PPM1L: variants seen among roughly 807,000 people sequenced by gnomAD.
PPM1L encodes the protein protein phosphatase 1L.
A neutral mutation model predicts 31.4 loss-of-function variants in PPM1L; 13 were observed. The observed-to-expected ratio is 0.41, with a 90% CI of 0.27 to 0.66. PPM1L has a LOEUF of 0.66. Among genes scored for constraint, PPM1L ranks in the 30% least tolerant of loss-of-function variants. The pLI, the probability that PPM1L is intolerant of heterozygous loss-of-function variation, is 0.29. For missense variants in PPM1L, 326 were observed against 453.7 expected, an observed-to-expected ratio of 0.72 and a Z score of 2.56; for synonymous variants, 184 against 175.4, an observed-to-expected ratio of 1.05 and a Z score of -0.39.
chr3:160,843,767 C>A (rs907950387), intron 1 of PPM1L, among the ~76,000 whole-genome samples: 1 of 151,832 alleles, frequency 6.6e-6, no homozygotes, highest in Non-Finnish European at 1.5e-5. Context: ...TTGACCCAGT[C>A]ATCCCATTAC....
intron 1 of PPM1L, among the ~76,000 whole-genome samples, chr3:160,862,660 ACG>A (rs1553814103): frequency 7.1e-5 from 8 of 112,450 alleles, no homozygotes; most frequent in Admixed American, 1.1e-4. Flanking sequence ...TCCTAGGCAC[ACG>A]CACACACACA....
At chr3:160,775,331 A>G (rs928701600) in intron 1 of PPM1L, among the ~76,000 whole-genome samples, 2 of 152,234 alleles carry the variant, frequency 1.3e-5, no homozygotes, top group Non-Finnish European at 2.9e-5. Flanking sequence ...GGGTTACACC[A>G]TTAGCACTCA....
At chr3:160,772,897 T>C (rs1404732585) in intron 1 of PPM1L, among the ~76,000 whole-genome samples, 1 of 152,234 alleles carries the variant, frequency 6.6e-6, no homozygotes, top group South Asian at 2.1e-4. Context: ...CACTTATCAA[T>C]ATTTCATTCA....
intron 1 of PPM1L, among the ~76,000 whole-genome samples, chr3:160,806,765 G>GAAAC (rs939021511): frequency 8.7e-5 from 13 of 149,136 alleles, no homozygotes; most frequent in Non-Finnish European, 1.8e-4. Flanking sequence ...AAGAAAGAAA[G>GAAAC]AAAGAGAGAG....
At position 160,756,520 on chromosome 3, in the gene PPM1L, G is replaced by A; in HGVS notation, c.212G>A (p.Arg71Gln). The A allele has an allele frequency of 1.2e-6, 2 of 1,614,128 alleles. No individual in the cohort carries two copies. Among genetic ancestry groups the A allele is most frequent in the Non-Finnish European group, 1.7e-6 (2 of 1,180,016 alleles). The change falls in exon 1 of 4, where the codon CGA becomes CAA. Residue 71 changes from arginine to glutamine, a missense_variant. Physicochemically the swap from Arg to Gln is conservative, Grantham distance 43. Coordinates refer to ENST00000498165, the MANE Select transcript of PPM1L (RefSeq NM_139245.4). This position sits in a 1 kb window ranked among gnomAD's most constrained non-coding sequence, Gnocchi z 6.2. ...GKVAEIMQND[R>Q]LGGLDVLEAE... is the part of the protein sequence containing the mutation. ...GTAGCCGAGATCATGCAGAACGATC[G>A]ACTCGGGGGGCTTGATGTGCTCGAG...
chr3:160,989,931 C>T (rs1576765617), intron 2 of PPM1L, among the ~76,000 whole-genome samples: 2 of 152,128 alleles, frequency 1.3e-5, no homozygotes, highest in South Asian at 4.1e-4. Flanking sequence ...TCCCAAAGTT[C>T]CAGCATTACA....
chr3:160,848,537 G>T (rs1055975316), intron 1 of PPM1L, among the ~76,000 whole-genome samples: 4 of 152,170 alleles, frequency 2.6e-5, no homozygotes, highest in African/African-American at 7.2e-5. Context: ...TCTTCTGGCT[G>T]CTTCTTAAGT....
rs552114419 is a variant in PPM1L at position 160,852,956 on chromosome 3, C to T, written c.399+96249C>T. On this transcript the variant is annotated intron_variant, in intron 1 of 3. Transcript: ENST00000498165. ...AAAACAGTGGAAATTTGTTTTCTCA[C>T]AGCTCTGGAGGCCAAATTTCAAAAA... is the stretch of plus-strand genomic sequence containing the variant. Among the ~76,000 whole-genome samples the T allele has an allele frequency of 6.6e-5, 10 of 152,296 alleles. No homozygotes were observed. The East Asian group carries it at 1.9e-3, about 29-fold the overall frequency.
intron 1 of PPM1L, among the ~76,000 whole-genome samples, chr3:160,884,494 T>C (rs965326220): frequency 6.6e-6 from 1 of 152,230 alleles, no homozygotes; most frequent in Non-Finnish European, 1.5e-5. Context: ...TTGTGACCTA[T>C]GTGCTGTAAG....
chr3:160,956,933 C>T (rs577219214), intron 1 of PPM1L, among the ~76,000 whole-genome samples: 1 of 152,144 alleles, frequency 6.6e-6, no homozygotes, highest in Non-Finnish European at 1.5e-5. Context: ...AGCATTGAAC[C>T]AGATGTGGGG....
At chr3:160,825,115 C>G (rs995996406) in intron 1 of PPM1L, among the ~76,000 whole-genome samples, 1 of 152,006 alleles carries the variant, frequency 6.6e-6, no homozygotes, top group African/African-American at 2.4e-5. Context: ...CTGATGTATG[C>G]TGGCTTTCTT....
chr3:161,013,948 C>G (rs989495590), intron 2 of PPM1L, among the ~76,000 whole-genome samples: 4 of 152,172 alleles, frequency 2.6e-5, no homozygotes, highest in African/African-American at 9.7e-5. Flanking sequence ...CTGAATATGG[C>G]ACACTGATGG....
intron 2 of PPM1L, among the ~76,000 whole-genome samples, chr3:160,982,093 A>G (rs547967816): frequency 1.3e-5 from 2 of 152,230 alleles, no homozygotes; most frequent in East Asian, 1.9e-4. Flanking sequence ...CACTACCTGC[A>G]TCTCATTTCT....
intron 1 of PPM1L, among the ~76,000 whole-genome samples, chr3:160,926,662 G>A (rs1305286376): frequency 1.3e-5 from 2 of 152,174 alleles, no homozygotes; most frequent in Non-Finnish European, 2.9e-5. Context: ...ATTAAGTAGG[G>A]GGATGTTTGT....
chr3:160,780,164 A>C (rs1431491217), intron 1 of PPM1L, among the ~76,000 whole-genome samples: 1 of 152,282 alleles, frequency 6.6e-6, no homozygotes, highest in Non-Finnish European at 1.5e-5. Context: ...CTGGGACCAT[A>C]GGCACATGCC....
chr3:160,999,304 C>T (rs1027438743), intron 2 of PPM1L, among the ~76,000 whole-genome samples: 5 of 152,280 alleles, frequency 3.3e-5, no homozygotes, highest in African/African-American at 4.8e-5. Context: ...TGCAGACAGT[C>T]TGATCCCAGA....
chr3:160,927,098 G>A (rs1714621076), intron 1 of PPM1L, among the ~76,000 whole-genome samples: 1 of 152,150 alleles, frequency 6.6e-6, no homozygotes, highest in Non-Finnish European at 1.5e-5. Flanking sequence ...TGGGATAGGA[G>A]GCCTTTTTCT....
At chr3:161,044,009 A>G (rs1718984664) in intron 2 of PPM1L, among the ~76,000 whole-genome samples, 1 of 152,196 alleles carries the variant, frequency 6.6e-6, no homozygotes, top group African/African-American at 2.4e-5. Context: ...TGTACCAGAA[A>G]GATTTATTTG....
At chr3:160,925,444 G>A (rs2108074985) in intron 1 of PPM1L, among the ~76,000 whole-genome samples, 1 of 152,164 alleles carries the variant, frequency 6.6e-6, no homozygotes, top group East Asian at 1.9e-4. Flanking sequence ...ATTCAATTGA[G>A]TTTGGCATAT....
Sources: gnomAD v4.1 joint callset for allele counts (sites outside exome capture counted in the v4.1 genomes callset) on GRCh38, gnomAD v4.1.1 for gene constraint, Gnocchi (gnomAD v3.1) non-coding constraint, MANE v1.5 for transcripts, NCBI Gene and HGNC (gene_info 2026-07-23, HGNC 2026-07-21) for gene names.